The following TMEM94 variants were observed in gnomAD, a reference collection of about 807,000 sequenced individuals.
TMEM94 encodes the protein ER Mg2+ ATPase.
In TMEM94, 81 loss-of-function variants were observed where a neutral mutation model predicts 158.6. That is an observed-to-expected ratio of 0.51 (90% CI 0.43 to 0.61). TMEM94 has a LOEUF of 0.61. Among genes scored for constraint, TMEM94 ranks in the 20% least tolerant of loss-of-function variants. TMEM94 has a pLI of 0.00. For synonymous variants in TMEM94, 751 were observed against 730.7 expected, an observed-to-expected ratio of 1.03 and a Z score of -0.45; for missense variants, 1,435 against 1,762.0, an observed-to-expected ratio of 0.81 and a Z score of 3.32.
At chr17:75,493,408 C>A in intron 16 of TMEM94, 83 bp from the exon 17 acceptor site, 2 of 1,405,380 alleles carry the variant, frequency 1.4e-6, no homozygotes, top group South Asian at 2.4e-5. Context: ...CAGCGCCCTT[C>A]TCCAGGAGGA....
chr17:75,492,484 G>A lies in TMEM94; in HGVS notation c.1607G>A (p.Gly536Glu), dbSNP rs762528524. ...CCACATTTCCCCCAGACCCAGCCTG[G>A]GATGGAGAGCGACCCCTACGAAGCA... Reference protein sequence around the residue: ...GEEEPSKTQPGMESDPYEAED... With the variant: ...GEEEPSKTQPEMESDPYEAED... The change falls in exon 15 of 32, where the codon GGG (glycine) becomes GAG (glutamate). Residue 536 changes from glycine to glutamate, a missense_variant. Transcript: ENST00000314256. This position sits in a 1 kb window ranked among gnomAD's most constrained non-coding sequence, Gnocchi z 4.4. 2 of 1,583,846 alleles carry A rather than the reference G, an allele frequency of 1.3e-6. No individual in the cohort carries two copies. The highest frequency in any genetic ancestry group is 2.3e-5 in the South Asian group (2 of 86,604).
intron 1 of TMEM94, among the ~76,000 whole-genome samples, chr17:75,471,233 C>T (rs1482817045): frequency 5.7e-5 from 7 of 123,650 alleles, no homozygotes; most frequent in East Asian, 4.2e-4. Flanking sequence ...AGTGAGAATC[C>T]GTCTCAAAAA....
intron 1 of TMEM94, among the ~76,000 whole-genome samples, chr17:75,470,786 G>C (rs1304676795): frequency 6.6e-6 from 1 of 151,540 alleles, no homozygotes; most frequent in Admixed American, 6.6e-5. Context: ...GGGGATGCTG[G>C]TGCATGCCTG....
chr17:75,497,038 G>A (rs2052764738), intron 25 of TMEM94, 75 bp from the exon 26 acceptor site: 2 of 1,322,014 alleles, frequency 1.5e-6, no homozygotes, highest in Non-Finnish European at 1.1e-6. Context: ...CCCAGGGCAA[G>A]GGAGCTCGGG....
At chr17:75,456,993 G>C (rs2049912994) in intron 1 of TMEM94, among the ~76,000 whole-genome samples, 2 of 152,136 alleles carry the variant, frequency 1.3e-5, no homozygotes, top group Admixed American at 6.5e-5. Flanking sequence ...TCCATTGTGG[G>C]GTCTCTCGCC....
intron 2 of TMEM94, among the ~76,000 whole-genome samples, chr17:75,480,067 GCAA>G (rs2146408647): frequency 6.6e-6 from 1 of 151,458 alleles, no homozygotes; most frequent in Non-Finnish European, 1.5e-5. Context: ...TCTAGCCTGG[GCAA>G]CAGAGCAAGA....
chr17:75,488,659 C>A, intron 6 of TMEM94, 100 bp from the exon 7 acceptor site: 1 of 1,426,190 alleles, frequency 7.0e-7, no homozygotes, highest in Non-Finnish European at 9.7e-7. Flanking sequence ...TAACTGATGG[C>A]TCCTAACCCC....
chr17:75,470,522 G>A (rs1025255899), intron 1 of TMEM94, among the ~76,000 whole-genome samples: 2 of 151,730 alleles, frequency 1.3e-5, no homozygotes, highest in African/African-American at 2.4e-5. Context: ...TGGCTAACAC[G>A]GTGAAACCCC....
chr17:75,490,611 C>A (rs113865147), intron 10 of TMEM94, 91 bp from the exon 11 acceptor site: 3 of 1,227,568 alleles, frequency 2.4e-6, no homozygotes, highest in Admixed American at 3.7e-5. Flanking sequence ...TTGGGAGCCC[C>A]GCTGGTGTGG....
At chr17:75,486,223 G>A in intron 4 of TMEM94, 67 bp from the exon 5 acceptor site, 1 of 1,600,914 alleles carries the variant, frequency 6.2e-7, no homozygotes, top group Non-Finnish European at 8.5e-7. Flanking sequence ...GGGAGCTGTG[G>A]CCTGGGGGCT....
intron 10 of TMEM94, 97 bp from the exon 11 acceptor site, chr17:75,490,605 G>T: frequency 8.6e-7 from 1 of 1,167,994 alleles, no homozygotes; most frequent in South Asian, 1.3e-5. Flanking sequence ...AAGGGGTTGG[G>T]AGCCCCGCTG....
At position 75,496,307 on chromosome 17, in the gene TMEM94, T is replaced by A; in HGVS notation, c.3079T>A (p.Ser1027Thr). 7.4e-6 allele frequency: 12 copies of A among 1,614,194 alleles called. No individual in the cohort carries two copies. The highest frequency in any genetic ancestry group is 1.0e-5 in the Non-Finnish European group (12 of 1,180,042). ...CATTGCCCTGGATCCCCTGTACCCA[T>A]CCCGTTGCTCCTGGGAGACCTTTGG... is the stretch of plus-strand genomic sequence containing the variant. Reference protein sequence around the residue: ...ISIALDPLYPSRCSWETFGYA... With the variant: ...ISIALDPLYPTRCSWETFGYA... Residue 1027 changes from serine (S) to threonine (T), a missense_variant, in exon 24 of 32, where the codon TCC (serine) becomes ACC (threonine). Ser to Thr is a moderately conservative substitution (Grantham distance 58, BLOSUM62 1). Coordinates refer to ENST00000314256, the MANE Select transcript of TMEM94 (RefSeq NM_014738.6).
chr17:75,476,427 T>A, intron 2 of TMEM94: 97 of 954,290 alleles, frequency 1.0e-4, no homozygotes, highest in Middle Eastern at 3.8e-4. Flanking sequence ...TCTTCTCCCC[T>A]CCCTCCCGCC....
intron 1 of TMEM94, among the ~76,000 whole-genome samples, chr17:75,463,340 T>C (rs2050181613): frequency 6.6e-6 from 1 of 151,396 alleles, no homozygotes; most frequent in Admixed American, 6.6e-5. Context: ...CTAGCCCTGC[T>C]TGCACCCAAA....
rs114702811 is a variant in TMEM94 at position 75,498,996 on chromosome 17, C to T, written c.3912C>T (p.Asp1304=). 866 of 1,602,918 alleles carry T rather than the reference C, an allele frequency of 5.4e-4. 9 individuals are homozygous for T. In the African/African-American group the frequency reaches 0.01, roughly 19 times the overall value. Residue 1304 remains aspartate (D), a synonymous_variant, in exon 31 of 32, where the codon GAC becomes GAT. Transcript: ENST00000314256. The surrounding 1 kb of genome is among the most constrained non-coding windows in gnomAD (Gnocchi z 6.7). ...GCCACGTCCACTTTGGCCTGGAGGACGTGCCCCTGCTGACATGGCTCCTGG... is the reference window on the plus strand; with the variant it reads ...GCCACGTCCACTTTGGCCTGGAGGATGTGCCCCTGCTGACATGGCTCCTGG... ...RDSHVHFGLE[D]VPLLTWLLGC...
rs576266232 is a variant in TMEM94, at chr17:75,496,430, C to T, written c.3202C>T (p.Arg1068Cys). The T allele has an allele frequency of 8.7e-6, 14 of 1,613,638 alleles. No individual in the cohort carries two copies. Among genetic ancestry groups the T allele is most frequent in the Admixed American group, 3.3e-5 (2 of 60,022 alleles). ...LNSLPCSLTF[R>C]QEETISIIRL... ...CAGCCTGCCCTGTTCCCTGACCTTT[C>T]GCCAGGAGGAGACCATCAGCATCAT... The change falls in exon 24 of 32, where the codon CGC becomes TGC. Residue 1068 changes from arginine to cysteine, a missense_variant. Transcript: ENST00000314256.
chr17:75,492,165 C>A lies in TMEM94; in HGVS notation c.1596+265C>A. The A allele has an allele frequency of 9.3e-7, 1 of 1,076,668 alleles. No homozygotes were observed. Among genetic ancestry groups the A allele is most frequent in the Non-Finnish European group, 1.3e-6 (1 of 775,508 alleles). 66.7% of individuals were successfully genotyped at this position (1,076,668 alleles called of 1,614,324 possible). On this transcript the variant is annotated intron_variant, in intron 14 of 31. Coordinates refer to ENST00000314256, the MANE Select transcript of TMEM94 (RefSeq NM_014738.6). This position sits in a 1 kb window ranked among gnomAD's most constrained non-coding sequence, Gnocchi z 4.4. ...CCAAATATACACAGCCCGGAGCTCCCTCTTAGAGATGTTCCCTGGCCACAG... is the reference window on the plus strand; with the variant it reads ...CCAAATATACACAGCCCGGAGCTCCATCTTAGAGATGTTCCCTGGCCACAG...
chr17:75,493,539 C>T lies in TMEM94; in HGVS notation c.2135C>T (p.Ala712Val). ...SHGTADVVLE[A>V]CTDFWDGADI... is the part of the protein sequence containing the mutation. ...GGCACCGCTGATGTGGTCTTAGAGG[C>T]CTGCACAGACTTCTGGGACGGAGCT... The change falls in exon 17 of 32, where the codon GCC becomes GTC. Residue 712 changes from alanine to valine, a missense_variant. By Grantham distance (64) the Ala-to-Val change is moderately conservative (BLOSUM62 0). This residue lies in a region of TMEM94 where 1,051 missense variants were observed against 1,254.4 expected (regional missense o/e 0.84). Transcript: ENST00000314256. 1 of 1,614,068 alleles carries T rather than the reference C, an allele frequency of 6.2e-7. No homozygotes were observed. The highest frequency in any genetic ancestry group is 8.5e-7 in the Non-Finnish European group (1 of 1,180,034).
intron 16 of TMEM94, 133 bp from the exon 17 acceptor site, chr17:75,493,358 C>G: frequency 1.1e-6 from 1 of 937,680 alleles, no homozygotes; most frequent in Non-Finnish European, 1.7e-6. Flanking sequence ...CCTTGCTGTC[C>G]GTGAGTCCCA....
Sources: gnomAD v4.1 joint callset for allele counts (sites outside exome capture counted in the v4.1 genomes callset) on GRCh38, gnomAD v4.1.1 for gene constraint, gnomAD v4.1.1 regional missense constraint, Gnocchi (gnomAD v3.1) non-coding constraint, MANE v1.5 for transcripts, NCBI Gene and HGNC (gene_info 2026-07-23, HGNC 2026-07-21) for gene names.